The following STRA6 variants were observed in gnomAD, a reference collection of about 807,000 sequenced individuals.
STRA6 encodes the protein signaling receptor and transporter of retinol STRA6, also known as receptor for retinol uptake STRA6.
In STRA6, 48 loss-of-function variants were observed where a neutral mutation model predicts 83.6. That is an observed-to-expected ratio of 0.57 (90% CI 0.46 to 0.73). The LOEUF (loss-of-function observed/expected upper bound fraction) is 0.73, where lower values mean the gene tolerates loss of function less well. Among genes scored for constraint, STRA6 ranks in the 30% least tolerant of loss-of-function variants. STRA6 has a pLI of 0.00. For synonymous variants in STRA6, 353 were observed against 362.3 expected (o/e 0.97, Z 0.29); for missense variants, 760 against 838.8 (o/e 0.91, Z 1.16).
upstream of STRA6, chr15:74,212,204 T>C (rs1228548178): frequency 6.6e-6 from 1 of 152,432 alleles, no homozygotes; most frequent in Non-Finnish European, 1.5e-5. Context: ...GCCCTGGGCT[T>C]GGACACCGTC....
upstream of STRA6, chr15:74,209,533 AG>A: frequency 8.4e-7 from 1 of 1,194,958 alleles, no homozygotes; most frequent in Non-Finnish European, 1.2e-6. Flanking sequence ...CTGGAATTCC[AG>A]GTATGATCTA....
chr15:74,180,240 A>G lies in STRA6; in HGVS notation c.1844T>C (p.Met615Thr). ...GGAGTCCTTTGTCTGTAGCAGCTGC[A>G]TCCCTGAGAGAGACGGACTTTCTGT... ...SLRPGEEDEG[M>T]QLLQTKDSMA... The change falls in exon 19 of 19, where the codon ATG becomes ACG. Residue 615 changes from methionine to threonine, a missense_variant. Met to Thr is a moderately conservative substitution (Grantham distance 81, BLOSUM62 -1). Coordinates refer to ENST00000395105, the MANE Select transcript of STRA6 (RefSeq NM_022369.4). The G allele has an allele frequency of 6.2e-7, 1 of 1,614,076 alleles. No homozygotes were observed. Among genetic ancestry groups the G allele is most frequent in the East Asian group, 2.2e-5 (1 of 44,882 alleles).
upstream of STRA6, chr15:74,209,260 G>T: frequency 8.4e-7 from 1 of 1,184,494 alleles, no homozygotes; most frequent in Non-Finnish European, 1.2e-6. Flanking sequence ...TGATCTCCTT[G>T]GCCCTCAGAG....
At chr15:74,197,722 C>A in intron 3 of STRA6, 30 bp downstream of exon 3, 1 of 1,611,704 alleles carries the variant, frequency 6.2e-7, no homozygotes, top group East Asian at 2.2e-5. Context: ...CAGCAGCTTG[C>A]AAGCCAGGTT....
At chr15:74,198,271 A>ATT (rs199524892) in intron 2 of STRA6, among the ~76,000 whole-genome samples, 1 of 149,864 alleles carries the variant, frequency 6.7e-6, no homozygotes, top group African/African-American at 2.5e-5. Context: ...CATGCCTGGC[A>ATT]TTTTTTTTTC....
At position 74,196,338 on chromosome 15, in the gene STRA6, G is replaced by A. The variant is rs771210008; in HGVS notation, c.267-191C>T. 5.2e-5 allele frequency: 46 copies of A among 891,484 alleles called. No individual in the cohort carries two copies. In the Middle Eastern group the frequency reaches 9.8e-4, roughly 19 times the overall value. 55.2% of individuals were successfully genotyped at this position (891,484 alleles called of 1,614,324 possible). On this transcript the variant is annotated intron_variant, in intron 4 of 18. Coordinates refer to ENST00000395105, the MANE Select transcript of STRA6 (RefSeq NM_022369.4). ...TCTTATCTACCAAGCTCTGGGCCCCGTGCCAAAGGGACTTGGGACACACAT... is the reference window on the plus strand; with the variant it reads ...TCTTATCTACCAAGCTCTGGGCCCCATGCCAAAGGGACTTGGGACACACAT...
At chr15:74,190,995 G>C in intron 10 of STRA6, 94 bp from the exon 11 acceptor site, 1 of 1,587,366 alleles carries the variant, frequency 6.3e-7, no homozygotes, top group Non-Finnish European at 8.6e-7. Context: ...GGGCCAGCAG[G>C]ACCCTAAATG....
chr15:74,207,190 C>T (rs932290436), upstream of STRA6, among the ~76,000 whole-genome samples: 3 of 152,166 alleles, frequency 2.0e-5, no homozygotes, highest in African/African-American at 7.2e-5. Context: ...ATCAAATCCT[C>T]AAAGGGCAAA....
upstream of STRA6, chr15:74,202,809 C>T (rs1229617508): frequency 9.0e-7 from 1 of 1,106,526 alleles, no homozygotes; most frequent in South Asian, 4.2e-5. Context: ...CCCAGCTGGG[C>T]TCCCTTGAGC....
In STRA6 at chr15:74,181,009, C is replaced by T. The variant is rs370009403; in HGVS notation, c.1685-72G>A. On this transcript the variant is annotated intron_variant, in intron 17 of 18. Coordinates refer to ENST00000395105, the MANE Select transcript of STRA6 (RefSeq NM_022369.4). ...CTGGAGGCATCCAGACATCCCCTAA[C>T]ACACACACAGGGAGTGCACGTGCAC... 237 of 1,579,232 alleles carry T rather than the reference C, an allele frequency of 1.5e-4. 1 individual carries two copies. In the Middle Eastern group the frequency reaches 6.2e-3, roughly 41 times the overall value.
intron 7 of STRA6, chr15:74,194,993 T>C (rs751323033): frequency 1.1e-5 from 16 of 1,431,620 alleles, no homozygotes; most frequent in Non-Finnish European, 1.5e-5. Context: ...AGCTGGGGGA[T>C]CACTAACACA....
rs2073757657 is a variant in STRA6 at position 74,195,331 on chromosome 15, G to T, written c.568C>A (p.Gln190Lys). The T allele has an allele frequency of 1.2e-6, 2 of 1,613,170 alleles. No homozygotes were observed. The highest frequency in any genetic ancestry group is 1.7e-6 in the Non-Finnish European group (2 of 1,179,978). Residue 190 changes from glutamine to lysine, a missense_variant, in exon 7 of 19, where the codon CAG (glutamine) becomes AAG (lysine). Gln to Lys is a moderately conservative substitution (Grantham distance 53). Transcript: ENST00000395105. Reference protein sequence around the residue: ...SWAHLGVQVWQRAECPQVPKI... With the variant: ...SWAHLGVQVWKRAECPQVPKI... ...GGCACCTGGGGACACTCTGCCCTCTGCCAGACCTGGACCCCAAGGTGGGCC... is the reference window on the plus strand; with the variant it reads ...GGCACCTGGGGACACTCTGCCCTCTTCCAGACCTGGACCCCAAGGTGGGCC...
At chr15:74,183,387 A>T (rs2073086266) in intron 14 of STRA6, 1 of 402,016 alleles carries the variant, frequency 2.5e-6, no homozygotes, top group Non-Finnish European at 3.6e-6. Flanking sequence ...CTGGAACTGC[A>T]GGTGCACACC....
Position 74,189,174 on chromosome 15 carries a change from A to G in STRA6, c.1031T>C (p.Leu344Pro). 1 of 1,614,082 alleles carries G rather than the reference A, an allele frequency of 6.2e-7. No homozygotes were observed. Among genetic ancestry groups the G allele is most frequent in the Non-Finnish European group, 8.5e-7 (1 of 1,180,024 alleles). ...SYLLAGFGIV[L>P]SEDKQEVVEL... is the part of the protein sequence containing the mutation. The stretch of plus-strand genomic sequence containing the variant: ...CACCACCTCCTGCTTGTCCTCGGAG[A>G]GCACGATTCCAAAGCCGGCCAGCAG... Residue 344 changes from leucine (L) to proline (P), a missense_variant, in exon 12 of 19, where the codon CTC (leucine) becomes CCC (proline). Transcript: ENST00000395105.
chr15:74,206,257 G>A (rs369513697), upstream of STRA6, among the ~76,000 whole-genome samples: 5 of 152,212 alleles, frequency 3.3e-5, no homozygotes, highest in African/African-American at 1.2e-4. Flanking sequence ...GTGCGGGCAG[G>A]GTGGGCAGGC....
intron 12 of STRA6, among the ~76,000 whole-genome samples, chr15:74,185,992 C>A (rs1468382080): frequency 2.0e-4 from 30 of 152,330 alleles, no homozygotes; most frequent in Non-Finnish European, 1.3e-4. Flanking sequence ...GGAGAGCAAA[C>A]ACAGAAAAGG....
chr15:74,194,954 C>A, intron 7 of STRA6: 1 of 1,429,966 alleles, frequency 7.0e-7, no homozygotes, highest in East Asian at 2.5e-5. Flanking sequence ...AGCTTCACTC[C>A]CATTCCCTCT....
chr15:74,202,910 G>A, upstream of STRA6: 2 of 991,000 alleles, frequency 2.0e-6, no homozygotes, highest in Non-Finnish European at 2.4e-6. Context: ...CCCCCTCCTG[G>A]GGGAGGAGGC....
chr15:74,197,980 C>A (rs1364448613), intron 2 of STRA6, 162 bp from the exon 3 acceptor site: 2 of 734,246 alleles, frequency 2.7e-6, no homozygotes, highest in Non-Finnish European at 4.7e-6. Context: ...TTCTCAGGGT[C>A]ATTCTGGGGC....
Sources: gnomAD v4.1 joint callset for allele counts (sites outside exome capture counted in the v4.1 genomes callset) on GRCh38, gnomAD v4.1.1 for gene constraint, MANE v1.5 for transcripts, NCBI Gene and HGNC (gene_info 2026-07-23, HGNC 2026-07-21) for gene names.